PARD3B: variants seen among roughly 807,000 people sequenced by gnomAD.
The protein encoded by PARD3B is par-3 family cell polarity regulator beta.
Under a neutral mutation model 130.2 loss-of-function variants are expected in PARD3B, and 103 were observed. The ratio of observed to expected loss-of-function variants is 0.79; its 90% CI spans 0.67 to 0.93. The LOEUF (loss-of-function observed/expected upper bound fraction) is 0.93. PARD3B is among the 40% of genes least tolerant of loss of function. The pLI, the probability that PARD3B is intolerant of heterozygous loss-of-function variation, is 0.00. For synonymous variants in PARD3B, 583 were observed against 553.2 expected, an observed-to-expected ratio of 1.05 and a Z score of -0.76; for missense variants, 1,609 against 1,499.2, an observed-to-expected ratio of 1.07 and a Z score of -1.21.
At chr2:205,416,796 G>T (rs903993586) in intron 19 of PARD3B, among the ~76,000 whole-genome samples, 5 of 151,778 alleles carry the variant, frequency 3.3e-5, no homozygotes, top group Admixed American at 6.6e-5. Context: ...TTTTTAAGGA[G>T]AAATAAGATT....
intron 2 of PARD3B, among the ~76,000 whole-genome samples, chr2:204,760,772 G>A (rs1216742868): frequency 2.6e-5 from 4 of 152,238 alleles, no homozygotes; most frequent in South Asian, 2.1e-4. Flanking sequence ...GTAGGTGAAA[G>A]TACTGTGCTA....
At chr2:205,203,085 T>G (rs2037078626) in intron 15 of PARD3B, among the ~76,000 whole-genome samples, 1 of 152,168 alleles carries the variant, frequency 6.6e-6, no homozygotes, top group Non-Finnish European at 1.5e-5. Context: ...TCACTGTCTC[T>G]AAGAGAAATG....
At chr2:205,403,142 C>T (rs760740754) in intron 19 of PARD3B, among the ~76,000 whole-genome samples, 1 of 152,180 alleles carries the variant, frequency 6.6e-6, no homozygotes, top group Non-Finnish European at 1.5e-5. Context: ...ACCTATTATA[C>T]TTTTCTCCTA....
In PARD3B at chr2:205,446,103, G is replaced by A. The variant is rs57360727; in HGVS notation, c.3044+5431G>A. On this transcript the variant is annotated intron_variant, in intron 20 of 22. Transcript: ENST00000406610. This position sits in a 1 kb window ranked among gnomAD's most constrained non-coding sequence, Gnocchi z 4.4. The stretch of plus-strand genomic sequence containing the variant: ...AGGCAGCAAGGGTGAAAACAGAGGG[G>A]AGAGGAAGCATGATGTGTTAGGGGG... Among the ~76,000 whole-genome samples, 4,163 of 152,264 alleles carry A rather than the reference G, an allele frequency of 0.027. 162 individuals are homozygous for A. Among genetic ancestry groups the A allele is most frequent in the African/African-American group, 0.092 (3,805 of 41,540 alleles).
At chr2:205,566,379 G>T (rs1257058752) in intron 22 of PARD3B, among the ~76,000 whole-genome samples, 1 of 152,162 alleles carries the variant, frequency 6.6e-6, no homozygotes, top group Admixed American at 6.5e-5. Flanking sequence ...ATGTACCAGG[G>T]TGATGGTGAT....
chr2:205,104,470 A>T lies in PARD3B; in HGVS notation c.549A>T (p.Val183=), dbSNP rs967035744. The stretch of plus-strand genomic sequence containing the variant: ...AAGACAGAGAAGTTTTGAATGGTGT[A>T]CAGACAGAACTACTAACTTCGCCAA... ...NLEDREVLNG[V]QTELLTSPRT... Residue 183 remains valine (V), a synonymous_variant, in exon 5 of 23, where the codon GTA becomes GTT. Coordinates refer to ENST00000406610, the MANE Select transcript of PARD3B (RefSeq NM_001302769.2). The T allele has an allele frequency of 1.9e-6, 3 of 1,602,720 alleles. No individual in the cohort carries two copies. The highest frequency in any genetic ancestry group is 2.6e-6 in the Non-Finnish European group (3 of 1,169,920).
chr2:204,893,905 T>C (rs2046542245), intron 2 of PARD3B, among the ~76,000 whole-genome samples: 1 of 152,156 alleles, frequency 6.6e-6, no homozygotes, highest in Non-Finnish European at 1.5e-5. Flanking sequence ...TATATATTCA[T>C]AAAAGTTTAT....
chr2:204,952,997 A>G (rs1196204731), intron 2 of PARD3B, among the ~76,000 whole-genome samples: 1 of 60,328 alleles, frequency 1.7e-5, no homozygotes, highest in Non-Finnish European at 2.9e-5. Flanking sequence ...ACTCAGTCTC[A>G]AAAAAAAAAA....
intron 21 of PARD3B, among the ~76,000 whole-genome samples, chr2:205,505,247 G>T (rs998259718): frequency 6.6e-6 from 1 of 151,970 alleles, no homozygotes; most frequent in African/African-American, 2.4e-5. Context: ...TTGTGGGGTG[G>T]GGGGAGTGGG....
intron 2 of PARD3B, among the ~76,000 whole-genome samples, chr2:204,878,839 G>C (rs1214412985): frequency 6.6e-6 from 1 of 152,156 alleles, no homozygotes; most frequent in Non-Finnish European, 1.5e-5. Flanking sequence ...GTGATTATTA[G>C]TGATGTCTTT....
At chr2:205,124,190 C>T in intron 8 of PARD3B, 137 bp from the exon 9 acceptor site, 1 of 729,608 alleles carries the variant, frequency 1.4e-6, no homozygotes. Flanking sequence ...ATAACTGAAG[C>T]ATATTTAAAA....
chr2:205,058,466 T>A (rs1699868115), intron 4 of PARD3B, among the ~76,000 whole-genome samples: 1 of 151,968 alleles, frequency 6.6e-6, no homozygotes, highest in South Asian at 2.1e-4. Flanking sequence ...AGAAGTAGAA[T>A]TATTGGATCA....
chr2:205,354,021 TTTTCC>T (rs201329095), intron 18 of PARD3B, among the ~76,000 whole-genome samples: 38,178 of 104,460 alleles, frequency 0.37, 8,521 homozygotes, highest in Non-Finnish European at 0.49. Context: ...TTTTCTTTTC[TTTTCC>T]TTTTTTTTTT....
chr2:205,561,967 G>GC lies in PARD3B; in HGVS notation c.3260+8569dup, dbSNP rs1293958237. ...GTAGGATCAGCTGTCTGTTTGAATG[G>GC]CCCCCTGATACCACCTCAGTCTTAA... is the stretch of plus-strand genomic sequence containing the variant. On this transcript the variant is annotated intron_variant, in intron 22 of 22. Transcript: ENST00000406610. Among the ~76,000 whole-genome samples, 3 of 152,218 alleles carry GC rather than the reference G, an allele frequency of 2.0e-5. No individual in the cohort carries two copies. The East Asian group carries it at 5.8e-4, about 29-fold the overall frequency.
rs66967039 is a variant in PARD3B, at chr2:204,549,926, TAA to T, written c.120+3815_120+3816del. On this transcript the variant is annotated intron_variant, in intron 1 of 22. Transcript: ENST00000406610. ...TTTGACATTTCTGGCCTTTTCTCATTAAAAAAAAACAAACAAATAAAAGCATG... is the reference window on the plus strand; with the variant it reads ...TTTGACATTTCTGGCCTTTTCTCATTAAAAAAACAAACAAATAAAAGCATG... Among the ~76,000 whole-genome samples, 6 of 151,242 alleles carry T rather than the reference TAA, an allele frequency of 4.0e-5. No homozygotes were observed. In the East Asian group the frequency reaches 7.8e-4, roughly 20 times the overall value.
chr2:204,858,362 A>T (rs113924020), intron 2 of PARD3B, among the ~76,000 whole-genome samples: 3 of 152,168 alleles, frequency 2.0e-5, no homozygotes, highest in African/African-American at 7.2e-5. Context: ...TACACAATAG[A>T]ATATTATTCA....
chr2:205,184,542 A>G (rs2035982482), intron 13 of PARD3B, among the ~76,000 whole-genome samples: 1 of 152,080 alleles, frequency 6.6e-6, no homozygotes. Context: ...GGAGATCAAG[A>G]CCATCCTGGC....
intron 1 of PARD3B, among the ~76,000 whole-genome samples, chr2:204,676,947 C>T (rs1313342601): frequency 1.3e-5 from 2 of 152,100 alleles, no homozygotes; most frequent in South Asian, 2.1e-4. Flanking sequence ...GGATTACAGG[C>T]GTGAGCCACC....
chr2:204,842,389 A>G (rs755543489), intron 2 of PARD3B, among the ~76,000 whole-genome samples: 6 of 152,150 alleles, frequency 3.9e-5, no homozygotes, highest in Non-Finnish European at 5.9e-5. Context: ...AGCTGCTTTC[A>G]TTTCCTTTAA....
Sources: gnomAD v4.1 joint callset for allele counts (sites outside exome capture counted in the v4.1 genomes callset) on GRCh38, gnomAD v4.1.1 for gene constraint, Gnocchi (gnomAD v3.1) non-coding constraint, MANE v1.5 for transcripts, NCBI Gene and HGNC (gene_info 2026-07-23, HGNC 2026-07-21) for gene names.